CDR2: variants seen among roughly 807,000 people sequenced by gnomAD.
CDR2 encodes the protein cerebellar degeneration related protein 2.
In CDR2, 34 loss-of-function variants were observed where a neutral mutation model predicts 48.4. The observed-to-expected ratio is 0.70, with a 90% CI of 0.53 to 0.94. The LOEUF (loss-of-function observed/expected upper bound fraction) is 0.94, where lower values mean the gene tolerates loss of function less well. Ranked by LOEUF, CDR2 falls within the 40% of genes least tolerant of loss-of-function variation. CDR2 has a pLI of 0.00. For synonymous variants in CDR2, 240 were observed against 219.7 expected (o/e 1.09, Z -0.82); for missense variants, 498 against 549.5 (o/e 0.91, Z 0.94).
chr16:22,367,286 CCAA>C (rs960501126), intron 1 of CDR2: 11 of 152,320 alleles, frequency 7.2e-5, no homozygotes, highest in Admixed American at 6.5e-4. Context: ...CATCAGCCTC[CCAA>C]AATGTTGGGA....
In CDR2 at chr16:22,346,220, GA is replaced by G. The variant is rs1011508216; in HGVS notation, c.*744del. 2.0e-5 allele frequency: 3 copies of G among 152,508 alleles called. No individual in the cohort carries two copies. The highest frequency in any genetic ancestry group is 7.2e-5 in the African/African-American group (3 of 41,454). 9.4% of individuals were successfully genotyped at this position (152,508 alleles called of 1,614,324 possible). A position where few individuals can be genotyped will look rare whatever the true frequency, so the allele number is the denominator to read the frequency against. ...TCTTTCCCCTTTAGTTTGAATTTGA[GA>G]AAGTGATAAAAGATTTACATATTCA... On this transcript the variant is annotated 3_prime_UTR_variant, in exon 5 of 5. Coordinates refer to ENST00000268383, the MANE Select transcript of CDR2 (RefSeq NM_001802.2).
chr16:22,360,653 T>A (rs886934446), intron 2 of CDR2, among the ~76,000 whole-genome samples: 3 of 151,998 alleles, frequency 2.0e-5, no homozygotes, highest in African/African-American at 7.2e-5. Context: ...TCTTCTGGAC[T>A]GTCTCATTTT....
chr16:22,350,774 C>A (rs182424696), intron 2 of CDR2, among the ~76,000 whole-genome samples: 1 of 152,172 alleles, frequency 6.6e-6, no homozygotes, highest in African/African-American at 2.4e-5. Context: ...ACTAAAAAAT[C>A]TAAAGTGAGA....
rs1567342246 is a variant in CDR2 at position 22,346,026 on chromosome 16, TG to T, written c.*938del. On this transcript the variant is annotated 3_prime_UTR_variant, in exon 5 of 5. Transcript: ENST00000268383. The stretch of plus-strand genomic sequence containing the variant: ...CTTAAATAGTTTTAAGTTAAAAGAA[TG>T]CAAGTGAGAGGATGTTTCCACAGTC... 1 of 152,580 alleles carries T rather than the reference TG, an allele frequency of 6.6e-6. No homozygotes were observed. Among genetic ancestry groups the T allele is most frequent in the Non-Finnish European group, 1.5e-5 (1 of 68,042 alleles). The allele number at this position is 152,580 out of a possible 1,614,324, so 9.5% of individuals were successfully genotyped here.
intron 1 of CDR2, among the ~76,000 whole-genome samples, chr16:22,372,553 T>C (rs968165924): frequency 1.3e-5 from 2 of 152,182 alleles, no homozygotes; most frequent in African/African-American, 4.8e-5. Context: ...TGATACAAAT[T>C]AAATTATAGG....
Position 22,347,682 on chromosome 16 carries a change from C to T in CDR2, c.648G>A (p.Arg216=). Residue 216 remains arginine, a synonymous_variant, in exon 5 of 5, where the codon CGG becomes CGA. Coordinates refer to ENST00000268383, the MANE Select transcript of CDR2 (RefSeq NM_001802.2). ...GCCCATATTCCTCCTCCATAGTCAC[C>T]CGCTTCTGCCGCTCCAGGCTCAGCT... ...QAQLSLERQK[R]VTMEEEYGLV... The T allele has an allele frequency of 6.2e-7, 1 of 1,614,160 alleles. No homozygotes were observed. Among genetic ancestry groups the T allele is most frequent in the Non-Finnish European group, 8.5e-7 (1 of 1,180,050 alleles).
chr16:22,359,345 T>C (rs1416252384), intron 2 of CDR2, among the ~76,000 whole-genome samples: 1 of 152,114 alleles, frequency 6.6e-6, no homozygotes. Flanking sequence ...CAGGCTTATC[T>C]TGAACTCCTG....
Position 22,346,395 on chromosome 16 carries a change from C to T in CDR2, c.*570G>A, listed in dbSNP as rs2048904377. ...GTTGGATTTGGATATATTAGGATTA[C>T]CTGTCAGTCACAGTTCAACTAGTTC... On this transcript the variant is annotated 3_prime_UTR_variant, in exon 5 of 5. Transcript: ENST00000268383. 1 of 153,706 alleles carries T rather than the reference C, an allele frequency of 6.5e-6. No homozygotes were observed. The highest frequency in any genetic ancestry group is 2.4e-5 in the African/African-American group (1 of 41,448). The allele number at this position is 153,706 out of a possible 1,614,324, so 9.5% of individuals were successfully genotyped here.
At chr16:22,365,054 T>A (rs1221491096) in intron 1 of CDR2, 40 bp from the exon 2 acceptor site, 37 of 1,266,666 alleles carry the variant, frequency 2.9e-5, no homozygotes, top group Non-Finnish European at 4.0e-5. Flanking sequence ...ACAAATGATC[T>A]CACATCAACA....
chr16:22,369,062 C>T (rs1263998388), intron 1 of CDR2: 2 of 152,162 alleles, frequency 1.3e-5, no homozygotes, highest in Non-Finnish European at 2.9e-5. Flanking sequence ...CTAGGTATTA[C>T]TTAAGTCTTT....
In CDR2 at chr16:22,356,954, A is replaced by G. The variant is rs1274511011; in HGVS notation, c.193-7105T>C. 9.9e-3 allele frequency among the ~76,000 whole-genome samples: 1,074 copies of G among 108,394 alleles called. 8 individuals carry two copies. Among genetic ancestry groups the G allele is most frequent in the African/African-American group, 0.03 (1,017 of 33,406 alleles). 71.1% of individuals were successfully genotyped at this position (108,394 alleles called of 152,430 possible). A position where few individuals can be genotyped will look rare whatever the true frequency, so the allele number is the denominator to read the frequency against. Reference sequence around the variant, plus strand: ...AGACTCCATCTCAAAAAAAAAAAAGAAAAAAAAAAAAAAAAAAGAAGACCA... The same window carrying G: ...AGACTCCATCTCAAAAAAAAAAAAGGAAAAAAAAAAAAAAAAAGAAGACCA... On this transcript the variant is annotated intron_variant, in intron 2 of 4. Coordinates refer to ENST00000268383, the MANE Select transcript of CDR2 (RefSeq NM_001802.2).
chr16:22,350,186 T>C (rs1313189246), intron 2 of CDR2, among the ~76,000 whole-genome samples: 1 of 147,276 alleles, frequency 6.8e-6, no homozygotes, highest in Non-Finnish European at 1.5e-5. Context: ...TGAAACTCCA[T>C]CTCAAAAAAA....
chr16:22,349,448 G>T lies in CDR2; in HGVS notation c.342-5C>A. 6.2e-7 allele frequency: 1 copy of T among 1,614,112 alleles called. No homozygotes were observed. ...CATTCAATCGTTTCAGTCAGGCTGT[G>T]AGGAACAGACAGAAGCCACTGCTGC... On this transcript the variant is annotated splice_polypyrimidine_tract_variant and splice_region_variant and intron_variant, in intron 3 of 4. Coordinates refer to ENST00000268383, the MANE Select transcript of CDR2 (RefSeq NM_001802.2).
chr16:22,371,726 ATCT>A (rs951964552), intron 1 of CDR2, among the ~76,000 whole-genome samples: 6 of 152,306 alleles, frequency 3.9e-5, no homozygotes, highest in Admixed American at 6.5e-5. Flanking sequence ...GGAATTTCAC[ATCT>A]TCTACTCGTA....
At chr16:22,352,933 C>T (rs572441212) in intron 2 of CDR2, among the ~76,000 whole-genome samples, 3 of 152,204 alleles carry the variant, frequency 2.0e-5, no homozygotes, top group Admixed American at 6.5e-5. Context: ...TTAATCCTGC[C>T]CTCGGGCTAG....
At position 22,374,310 on chromosome 16, in the gene CDR2, C is replaced by G; in HGVS notation, c.-1G>C. On this transcript the variant is annotated 5_prime_UTR_variant, in exon 1 of 5. Transcript: ENST00000268383. ...CCTCTACCAGGTTTTCCGCCAGCAT[C>G]TCGGCTGGGTCTTCTAGGGGCAGCG... 3 of 1,597,382 alleles carry G rather than the reference C, an allele frequency of 1.9e-6. No homozygotes were observed. The highest frequency in any genetic ancestry group is 2.6e-6 in the Non-Finnish European group (3 of 1,172,320).
chr16:22,361,897 CTTTTTTTTTT>C (rs11303236), intron 2 of CDR2, among the ~76,000 whole-genome samples: 2 of 68,146 alleles, frequency 2.9e-5, no homozygotes, highest in East Asian at 8.3e-4. Flanking sequence ...GAATTTTATA[CTTTTTTTTTT>C]TTTTTTTTTT....
In CDR2 at chr16:22,347,151, G is replaced by A. The variant is rs1397509407; in HGVS notation, c.1179C>T (p.Asn393=). 23 of 1,614,056 alleles carry A rather than the reference G, an allele frequency of 1.4e-5. No individual in the cohort carries two copies. The highest frequency in any genetic ancestry group is 1.6e-4 in the Middle Eastern group (1 of 6,084). The change falls in exon 5 of 5, where the codon AAC becomes AAT. Residue 393 remains asparagine, a synonymous_variant. Transcript: ENST00000268383. The part of the protein sequence containing the change: ...RAAAKDLTGV[N]AQSEPVASGW... ...CGCTGGCAACAGGCTCAGACTGGGC[G>A]TTCACTCCAGTCAGGTCCTTGGCTG...
chr16:22,373,111 G>A (rs1026379236), intron 1 of CDR2, among the ~76,000 whole-genome samples: 1 of 152,160 alleles, frequency 6.6e-6, no homozygotes, highest in Non-Finnish European at 1.5e-5. Flanking sequence ...CCTCTATTGT[G>A]TTACTGGGAG....
Sources: allele counts gnomAD v4.1 joint callset (sites outside exome capture counted in the v4.1 genomes callset), GRCh38; gene constraint gnomAD v4.1.1; transcripts MANE v1.5; gene names NCBI Gene and HGNC (gene_info 2026-07-23, HGNC 2026-07-21).